The following SHPRH variants were observed in gnomAD, a reference collection of about 807,000 sequenced individuals.
SHPRH encodes E3 ubiquitin-protein ligase SHPRH.
In SHPRH, 106 loss-of-function variants were observed where a neutral mutation model predicts 202.5. The ratio of observed to expected loss-of-function variants is 0.52; its 90% CI spans 0.45 to 0.62. The LOEUF is 0.62. Among genes scored for constraint, SHPRH ranks in the 20% least tolerant of loss-of-function variants. SHPRH has a pLI of 0.00. For missense variants in SHPRH, 1,710 were observed against 2,020.0 expected, an observed-to-expected ratio of 0.85 and a Z score of 2.94; for synonymous variants, 729 against 686.0, an observed-to-expected ratio of 1.06 and a Z score of -0.98.
intron 2 of SHPRH, 145 bp downstream of exon 2, chr6:145,954,545 T>C (rs1400397450): frequency 8.9e-6 from 7 of 786,722 alleles, no homozygotes; most frequent in Admixed American, 3.2e-5. Context: ...ATACTTTGAA[T>C]AGTTATTAAA....
chr6:145,942,959 A>T (rs1253395028), intron 9 of SHPRH, among the ~76,000 whole-genome samples, 184 bp downstream of exon 9: 1 of 152,234 alleles, frequency 6.6e-6, no homozygotes, highest in East Asian at 1.9e-4. Flanking sequence ...ATGTTAGAAA[A>T]GAATAACATT....
At chr6:145,929,731 T>C (rs1363737568) in intron 14 of SHPRH, among the ~76,000 whole-genome samples, 3 of 152,054 alleles carry the variant, frequency 2.0e-5, no homozygotes, top group East Asian at 3.9e-4. Context: ...GGGAATGCCC[T>C]AGAGGGAAGA....
chr6:145,869,289 G>T (rs1779946390), intron 2 of SHPRH, among the ~76,000 whole-genome samples: 1 of 152,134 alleles, frequency 6.6e-6, no homozygotes, highest in Non-Finnish European at 1.5e-5. Flanking sequence ...CTCCCATTCT[G>T]TAGCTTGTCT....
chr6:145,871,447 T>C (rs187170516), intron 2 of SHPRH: 1 of 152,130 alleles, frequency 6.6e-6, no homozygotes, highest in African/African-American at 2.4e-5. Context: ...TGATTCACAA[T>C]TGCTACAAAA....
chr6:145,893,188 G>T (rs1220603329), intron 28 of SHPRH, 27 bp downstream of exon 28: 5 of 1,489,810 alleles, frequency 3.4e-6, no homozygotes, highest in Non-Finnish European at 4.5e-6. Context: ...TGAAGCAAAT[G>T]TGACTGATTC....
At chr6:145,859,476 G>A (rs186576360), downstream of SHPRH, among the ~76,000 whole-genome samples, 19 of 152,052 alleles carry the variant, frequency 1.2e-4, no homozygotes, top group Non-Finnish European at 1.5e-4. Flanking sequence ...TAGACAAATC[G>A]ATGAGTGGAG....
Position 145,943,609 on chromosome 6 carries a change from G to A in SHPRH, c.1772C>T (p.Pro591Leu). Residue 591 changes from proline to leucine, a missense_variant, in exon 9 of 30, where the codon CCA becomes CTA. Coordinates refer to ENST00000275233, the MANE Select transcript of SHPRH (RefSeq NM_001042683.3). The stretch of plus-strand genomic sequence containing the variant: ...ACCTTGTGAATCGGGATTGATAAAT[G>A]GTTGACTTTTTCCTTTTTTTGTGGA... ...VPSTKKGKSQPFINPDSQGHC... is the reference protein window; with the variant it reads ...VPSTKKGKSQLFINPDSQGHC... 6.2e-7 allele frequency: 1 copy of A among 1,613,742 alleles called. No individual in the cohort carries two copies. The highest frequency in any genetic ancestry group is 1.1e-5 in the South Asian group (1 of 91,060).
In SHPRH at chr6:145,900,565, A is replaced by G. The variant is rs561024404; in HGVS notation, c.4516-5588T>C. Among the ~76,000 whole-genome samples the G allele has an allele frequency of 7.9e-5, 12 of 152,246 alleles. No individual in the cohort carries two copies. The South Asian group carries it at 2.3e-3, about 29-fold the overall frequency. ...AGTTAGACAGAAGGAACAGATCTAA[A>G]GATCTATTATACAGCATGGTGACTA... On this transcript the variant is annotated intron_variant, in intron 25 of 29. Coordinates refer to ENST00000275233, the MANE Select transcript of SHPRH (RefSeq NM_001042683.3).
intron 28 of SHPRH, among the ~76,000 whole-genome samples, chr6:145,889,892 G>A (rs1781435246): frequency 1.3e-5 from 2 of 152,152 alleles, no homozygotes; most frequent in South Asian, 4.2e-4. Flanking sequence ...GGCATATGAG[G>A]TACTTTCCTG....
At chr6:145,908,721 G>A (rs777506228) in intron 25 of SHPRH, 8 of 152,040 alleles carry the variant, frequency 5.3e-5, no homozygotes, top group Non-Finnish European at 7.4e-5. Context: ...GTTTACCGAC[G>A]ATAATTTCTT....
rs577519102 is a variant in SHPRH at position 145,869,184 on chromosome 6, A to G, written c.222-4693T>C. On this transcript the variant is annotated intron_variant, in intron 2 of 2. Coordinates refer to the SHPRH transcript ENST00000417762. ...CCTGTTAAGGTCTTTGGCTCATTTT[A>G]AATCAAGTTGTTTATTTTCTTATTG... 4.6e-5 allele frequency among the ~76,000 whole-genome samples: 7 copies of G among 152,284 alleles called. No individual in the cohort carries two copies. The South Asian group carries it at 1.4e-3, about 32-fold the overall frequency.
At chr6:145,921,565 T>A (rs1185669041) in intron 20 of SHPRH, among the ~76,000 whole-genome samples, 173 bp from the exon 21 acceptor site, 1 of 151,812 alleles carries the variant, frequency 6.6e-6, no homozygotes, top group Admixed American at 6.6e-5. Context: ...AATTCTATTA[T>A]ATCCACTGTA....
chr6:145,888,122 T>C (rs2128708881), intron 28 of SHPRH, 22 bp from the exon 29 acceptor site: 1 of 1,555,242 alleles, frequency 6.4e-7, no homozygotes, highest in South Asian at 1.1e-5. Flanking sequence ...AGAAGAATTT[T>C]AAGCTTAAAA....
chr6:145,947,280 C>T (rs1554247222), intron 6 of SHPRH, among the ~76,000 whole-genome samples: 1 of 152,024 alleles, frequency 6.6e-6, no homozygotes, highest in Non-Finnish European at 1.5e-5. Context: ...AAATTCTCTT[C>T]CTAGTTGGCC....
At chr6:145,897,210 A>C (rs2265468) in intron 25 of SHPRH, among the ~76,000 whole-genome samples, 53,263 of 151,514 alleles carry the variant, frequency 0.35, 10,075 homozygotes, top group South Asian at 0.48. Context: ...AAGTAGAGAC[A>C]TTAAAACTGA....
At chr6:145,887,528 AGTTT>A (rs1383104111) in intron 29 of SHPRH, among the ~76,000 whole-genome samples, 3 of 143,344 alleles carry the variant, frequency 2.1e-5, no homozygotes, top group Admixed American at 1.4e-4. Flanking sequence ...AACCTTAACA[AGTTT>A]GTTTTTTTTT....
rs1018459915 is a variant in SHPRH, at chr6:145,924,616, A to T, written c.3402+123T>A. The T allele has an allele frequency of 2.1e-5, 14 of 673,306 alleles. No individual in the cohort carries two copies. In the African/African-American group the frequency reaches 2.3e-4, roughly 11 times the overall value. The allele number at this position is 673,306 out of a possible 1,614,324, so 41.7% of individuals were successfully genotyped here. A position where few individuals can be genotyped will look rare whatever the true frequency, so the allele number is the denominator to read the frequency against. On this transcript the variant is annotated intron_variant, in intron 17 of 29. Transcript: ENST00000275233. ...ATAAACTTGTATTGTGGGTCAGGCA[A>T]TGTGCTAGGTGCTAAGGATTTCAAA... is the stretch of plus-strand genomic sequence containing the variant.
At chr6:145,903,810 G>C (rs1311416570) in intron 25 of SHPRH, 1 of 152,048 alleles carries the variant, frequency 6.6e-6, no homozygotes, top group Non-Finnish European at 1.5e-5. Flanking sequence ...AAGACACAGG[G>C]AACAAGACAT....
chr6:145,904,614 G>C (rs1475815422), intron 25 of SHPRH: 1 of 152,292 alleles, frequency 6.6e-6, no homozygotes, highest in Non-Finnish European at 1.5e-5. Flanking sequence ...GAAGCACAAG[G>C]CAAATGTGGC....
Sources: allele counts gnomAD v4.1 joint callset (sites outside exome capture counted in the v4.1 genomes callset), GRCh38; gene constraint gnomAD v4.1.1; transcripts MANE v1.5; gene names NCBI Gene and HGNC (gene_info 2026-07-23, HGNC 2026-07-21).